CIAO1: variants seen among roughly 807,000 people sequenced by gnomAD.
CIAO1 encodes cytosolic iron-sulfur assembly component 1.
CIAO1 carries 32 observed loss-of-function variants against 43.1 expected under a neutral mutation model. The ratio of observed to expected loss-of-function variants is 0.74; its 90% CI spans 0.56 to 1.00. CIAO1 has a LOEUF of 1.00. Among genes scored for constraint, CIAO1 ranks in the 50% least tolerant of loss-of-function variants. The probability of loss-of-function intolerance (pLI) is 0.00; values close to 1 mark genes in which losing one functional copy is unlikely to be tolerated. For missense variants in CIAO1, 415 were observed against 437.4 expected (o/e 0.95, Z 0.46); for synonymous variants, 183 against 171.4 (o/e 1.07, Z -0.53).
In CIAO1 at chr2:96,267,781, C is replaced by T. The variant is rs201442552; in HGVS notation, c.400+45C>T. 450 of 1,610,786 alleles carry T rather than the reference C, an allele frequency of 2.8e-4. 2 individuals are homozygous for T. In the African/African-American group the frequency reaches 5.1e-3, roughly 18 times the overall value. ...GGTGGATTGGGAACCACCTGACAGC[C>T]CCCTCTGTGTCCCTGACAGGGTCGG... On this transcript the variant is annotated intron_variant, in intron 3 of 6. Coordinates refer to ENST00000488633, the MANE Select transcript of CIAO1 (RefSeq NM_004804.3).
intron 5 of CIAO1, chr2:96,268,905 G>A (rs1684490260): frequency 3.5e-6 from 2 of 571,838 alleles, no homozygotes; most frequent in Non-Finnish European, 6.2e-6. Flanking sequence ...TCAACAGTGT[G>A]AGTAAAGATA....
At position 96,270,679 on chromosome 2, in the gene CIAO1, A is replaced by G. The variant is rs141745947; in HGVS notation, c.780-432A>G. On this transcript the variant is annotated intron_variant, in intron 6 of 6. Transcript: ENST00000488633. ...ACAAAAATTAGCCGGGCATGGTGGCACATGCCTGTAGTCCCAGCTACTCAG... is the reference window on the plus strand; with the variant it reads ...ACAAAAATTAGCCGGGCATGGTGGCGCATGCCTGTAGTCCCAGCTACTCAG... Among the ~76,000 whole-genome samples, 11 of 149,228 alleles carry G rather than the reference A, an allele frequency of 7.4e-5. No individual in the cohort carries two copies. In the East Asian group the frequency reaches 1.6e-3, roughly 22 times the overall value.
chr2:96,271,426 C>T lies in CIAO1; in HGVS notation c.*75C>T. On this transcript the variant is annotated 3_prime_UTR_variant, in exon 7 of 7. Transcript: ENST00000488633. ...AGACTTTACCAGCCCCTGAGAGGAC[C>T]AGGAGGAGCATCCTTGACCTTCATT... 6.5e-7 allele frequency: 1 copy of T among 1,534,302 alleles called. No individual in the cohort carries two copies. The highest frequency in any genetic ancestry group is 8.8e-7 in the Non-Finnish European group (1 of 1,134,480).
chr2:96,267,944 T>G lies in CIAO1; in HGVS notation c.489+20T>G. On this transcript the variant is annotated intron_variant, in intron 4 of 6. Transcript: ENST00000488633. ...CAGGAGGTAAGAGTCAAGCAGGGAC[T>G]CTTGTGGGAAGGGCTCTGGTGTGCA... is the stretch of plus-strand genomic sequence containing the variant. The G allele has an allele frequency of 6.2e-7, 1 of 1,601,288 alleles. No homozygotes were observed.
In CIAO1 at chr2:96,271,122, C is replaced by T; in HGVS notation, c.791C>T (p.Thr264Ile). The stretch of plus-strand genomic sequence containing the variant: ...CACTTTCCTTCCAGGTGTCAGCTGA[C>T]AGGGGCTCTGGCCACAGCTTGTGGG... The part of the protein sequence containing the change: ...TIYDIAWCQL[T>I]GALATACGDD... The change falls in exon 7 of 7, where the codon ACA (threonine) becomes ATA (isoleucine). Residue 264 changes from threonine (T) to isoleucine (I), a missense_variant. Transcript: ENST00000488633. 1 of 1,614,228 alleles carries T rather than the reference C, an allele frequency of 6.2e-7. No homozygotes were observed. Among genetic ancestry groups the T allele is most frequent in the South Asian group, 1.1e-5 (1 of 91,090 alleles).
At chr2:96,268,782 A>G in intron 5 of CIAO1, 124 bp downstream of exon 5, 1 of 913,600 alleles carries the variant, frequency 1.1e-6, no homozygotes, top group Admixed American at 2.4e-5. Context: ...AGGGCTCTGG[A>G]TAGAGTGCTG....
At chr2:96,270,167 A>G (rs1684518362) in intron 6 of CIAO1, among the ~76,000 whole-genome samples, 1 of 152,226 alleles carries the variant, frequency 6.6e-6, no homozygotes, top group Non-Finnish European at 1.5e-5. Flanking sequence ...AAATTATGGT[A>G]GAACTCAGCT....
chr2:96,269,682 CTG>C (rs1684509019), intron 6 of CIAO1, among the ~76,000 whole-genome samples: 1 of 152,094 alleles, frequency 6.6e-6, no homozygotes, highest in Non-Finnish European at 1.5e-5. Context: ...GAGTCTCACT[CTG>C]CAGCCCAGGC....
intron 1 of CIAO1, 143 bp downstream of exon 1, chr2:96,266,632 G>A: frequency 2.1e-6 from 2 of 934,162 alleles, no homozygotes; most frequent in Non-Finnish European, 1.4e-6. Context: ...GGGCTTTACA[G>A]GCAAAGAAGT....
At chr2:96,270,286 C>G (rs1684522998) in intron 6 of CIAO1, among the ~76,000 whole-genome samples, 1 of 152,134 alleles carries the variant, frequency 6.6e-6, no homozygotes, top group Admixed American at 6.5e-5. Flanking sequence ...GTGAGTGAAT[C>G]ATGAGGTCAG....
At chr2:96,269,392 A>C in intron 6 of CIAO1, 37 bp downstream of exon 6, 1 of 1,586,096 alleles carries the variant, frequency 6.3e-7, no homozygotes, top group Non-Finnish European at 8.7e-7. Flanking sequence ...CCATCCCCAT[A>C]AATCAGGGAT....
At position 96,267,398 on chromosome 2, in the gene CIAO1, G is replaced by A. The variant is rs142959894; in HGVS notation, c.217G>A (p.Gly73Ser). Residue 73 changes from glycine (G) to serine (S), a missense_variant, in exon 2 of 7, where the codon GGT (glycine) becomes AGT (serine). Coordinates refer to ENST00000488633, the MANE Select transcript of CIAO1 (RefSeq NM_004804.3). ...GCGGAAGGTAGCCTGGTCCCCCTGC[G>A]GTAATTACCTGGCCTCTGCCAGCTT... ...TVRKVAWSPC[G>S]NYLASASFDA... 6.1e-4 allele frequency: 981 copies of A among 1,614,042 alleles called. No individual in the cohort carries two copies. The highest frequency in any genetic ancestry group is 7.7e-4 in the Non-Finnish European group (905 of 1,180,024).
In CIAO1 at chr2:96,266,373, T is replaced by C; in HGVS notation, c.23T>C (p.Leu8Pro). 6.7e-7 allele frequency: 1 copy of C among 1,500,442 alleles called. No homozygotes were observed. The allele number at this position is 1,500,442 out of a possible 1,614,324, so 92.9% of individuals were successfully genotyped here. Reference sequence around the variant, plus strand: ...GACATGAAGGACTCGCTGGTGCTGCTGGGCCGTGTCCCGGCGCACCCGGAC... The same window carrying C: ...GACATGAAGGACTCGCTGGTGCTGCCGGGCCGTGTCCCGGCGCACCCGGAC... MKDSLVL[L>P]GRVPAHPDSR... The change falls in exon 1 of 7, where the codon CTG (leucine) becomes CCG (proline). Residue 8 changes from leucine (L) to proline (P), a missense_variant. Transcript: ENST00000488633.
Position 96,268,600 on chromosome 2 carries a change from T to C in CIAO1, c.633T>C (p.Ser211=). 6.2e-7 allele frequency: 1 copy of C among 1,614,238 alleles called. No individual in the cohort carries two copies. Among genetic ancestry groups the C allele is most frequent in the Non-Finnish European group, 8.5e-7 (1 of 1,180,050 alleles). Residue 211 remains serine (S), a synonymous_variant, in exon 5 of 7, where the codon TCT becomes TCC. Transcript: ENST00000488633. The part of the protein sequence containing the change: ...AFDPSGQRLA[S]CSDDRTVRIW... Reference sequence around the variant, plus strand: ...ACCCGAGTGGCCAGCGCCTGGCGTCTTGTAGTGATGACCGTACTGTGCGTA... The same window carrying C: ...ACCCGAGTGGCCAGCGCCTGGCGTCCTGTAGTGATGACCGTACTGTGCGTA...
At position 96,269,319 on chromosome 2, in the gene CIAO1, C is replaced by G; in HGVS notation, c.743C>G (p.Ser248Cys). The change falls in exon 6 of 7, where the codon TCC (serine) becomes TGC (cysteine). Residue 248 changes from serine to cysteine, a missense_variant. Ser to Cys is a moderately radical substitution (Grantham distance 112). Coordinates refer to ENST00000488633, the MANE Select transcript of CIAO1 (RefSeq NM_004804.3). ...AGTTGGAAATGTATCTGTACTTTGT[C>G]CGGCTTCCACTCAAGGACCATTTAT... ...DPSWKCICTL[S>C]GFHSRTIYDI... 2.5e-6 allele frequency: 4 copies of G among 1,614,154 alleles called. No individual in the cohort carries two copies. The highest frequency in any genetic ancestry group is 3.4e-6 in the Non-Finnish European group (4 of 1,180,040).
chr2:96,268,152 G>A (rs1160106067), intron 4 of CIAO1, among the ~76,000 whole-genome samples: 7 of 152,292 alleles, frequency 4.6e-5, no homozygotes, highest in Non-Finnish European at 1.5e-5. Context: ...TCAGGAGTTC[G>A]AGACCAGCCT....
chr2:96,268,054 C>A, intron 4 of CIAO1, 130 bp downstream of exon 4: 1 of 789,272 alleles, frequency 1.3e-6, no homozygotes, highest in Non-Finnish European at 2.1e-6. Flanking sequence ...ACATTAGTCC[C>A]TTTATAAAAA....
intron 4 of CIAO1, 27 bp downstream of exon 4, chr2:96,267,951 G>T: frequency 6.3e-7 from 1 of 1,579,030 alleles, no homozygotes. Context: ...GACTCTTGTG[G>T]GAAGGGCTCT....
rs57198918 is a variant in CIAO1, at chr2:96,273,662, C to CAAAA, written c.*2332_*2335dup. On this transcript the variant is annotated 3_prime_UTR_variant, in exon 7 of 7. Transcript: ENST00000488633. ...TGGGTGACAGAGCGAGACTCCATTT[C>CAAAA]AAAAAAAAAAAAAAAAAAAAAAAAT... Among the ~76,000 whole-genome samples, 3 of 55,978 alleles carry CAAAA rather than the reference C, an allele frequency of 5.4e-5. No individual in the cohort carries two copies. Among genetic ancestry groups the CAAAA allele is most frequent in the African/African-American group, 1.2e-4 (2 of 16,780 alleles). 36.7% of individuals were successfully genotyped at this position (55,978 alleles called of 152,430 possible). A position where few individuals can be genotyped will look rare whatever the true frequency, so the allele number is the denominator to read the frequency against.
Sources: allele counts gnomAD v4.1 joint callset (sites outside exome capture counted in the v4.1 genomes callset), GRCh38; gene constraint gnomAD v4.1.1; transcripts MANE v1.5; gene names NCBI Gene and HGNC (gene_info 2026-07-23, HGNC 2026-07-21).